The following AVEN variants were observed in gnomAD, a reference collection of about 807,000 sequenced individuals.
AVEN encodes apoptosis and caspase activation inhibitor.
A neutral mutation model predicts 38.1 loss-of-function variants in AVEN; 41 were observed. That is an observed-to-expected ratio of 1.08 (90% CI 0.84 to 1.40). The LOEUF is 1.40. AVEN is among the 40% of genes most tolerant of loss of function. The pLI, the probability that AVEN is intolerant of heterozygous loss-of-function variation, is 0.00. For synonymous variants in AVEN, 206 were observed against 171.8 expected (o/e 1.20, Z -1.56); for missense variants, 605 against 438.8 (o/e 1.38, Z -3.38).
rs533788693 is a variant in AVEN, at chr15:33,899,460, C to CTTTTTT, written c.446-23471_446-23466dup. ...TACATTTATTTGCTTCAGGGAAAAC[C>CTTTTTT]TTTTTTTTTTTTTTTTTTTTTTTTT... is the stretch of plus-strand genomic sequence containing the variant. On this transcript the variant is annotated intron_variant, in intron 2 of 5. Transcript: ENST00000306730. Among the ~76,000 whole-genome samples the CTTTTTT allele has an allele frequency of 1.3e-3, 87 of 65,438 alleles. 9 individuals are homozygous for CTTTTTT. Among genetic ancestry groups the CTTTTTT allele is most frequent in the African/African-American group, 3.4e-3 (61 of 17,702 alleles). The allele number at this position is 65,438 out of a possible 152,430, so 42.9% of individuals were successfully genotyped here.
intron 4 of AVEN, among the ~76,000 whole-genome samples, chr15:33,869,656 G>C (rs1018270210): frequency 6.6e-6 from 1 of 152,040 alleles, no homozygotes; most frequent in East Asian, 1.9e-4. Context: ...CTCCATCCCT[G>C]AACTCTGCCT....
At chr15:34,047,995 T>A (rs764567753) in intron 5 of AVEN, among the ~76,000 whole-genome samples, 3 of 151,826 alleles carry the variant, frequency 2.0e-5, no homozygotes, top group Non-Finnish European at 2.9e-5. Flanking sequence ...TAGCTGGGAC[T>A]ACAGGCACAC....
intron 2 of AVEN, among the ~76,000 whole-genome samples, chr15:33,906,209 G>A (rs1892693922): frequency 1.3e-5 from 2 of 152,148 alleles, no homozygotes. Context: ...GGGAGGGAGG[G>A]GTAGGGAAGG....
At chr15:34,054,252 T>C (rs1186144333) in intron 5 of AVEN, among the ~76,000 whole-genome samples, 2 of 152,202 alleles carry the variant, frequency 1.3e-5, no homozygotes, top group Admixed American at 6.5e-5. Flanking sequence ...AGTTCAACCA[T>C]TGTGGAATAC....
intron 5 of AVEN, among the ~76,000 whole-genome samples, chr15:34,047,459 G>T (rs1899750126): frequency 2.0e-5 from 3 of 152,212 alleles, no homozygotes; most frequent in Admixed American, 2.0e-4. Context: ...TAGGAAGAGG[G>T]CTGAAACCAG....
chr15:33,987,103 T>C (rs519210), intron 2 of AVEN, among the ~76,000 whole-genome samples: 142,327 of 152,262 alleles, frequency 0.93, 67,123 homozygotes, highest in Non-Finnish European at 1. Context: ...CATAATTCAT[T>C]AGCATTAATT....
At chr15:33,899,460 CTTTTTTTTTTTTTTTTT>C (rs533788693) in intron 2 of AVEN, among the ~76,000 whole-genome samples, 3 of 65,430 alleles carry the variant, frequency 4.6e-5, no homozygotes. Flanking sequence ...CAGGGAAAAC[CTTTTTTTTTTTTTTTTT>C]TTTTTTTTTT....
chr15:34,056,571 A>G (rs1276238914), intron 5 of AVEN, among the ~76,000 whole-genome samples: 1 of 152,238 alleles, frequency 6.6e-6, no homozygotes, highest in East Asian at 1.9e-4. Flanking sequence ...TTCTCAATTT[A>G]TCAGATCATG....
At chr15:33,911,368 ATC>A (rs1156827868) in intron 2 of AVEN, among the ~76,000 whole-genome samples, 5 of 152,218 alleles carry the variant, frequency 3.3e-5, no homozygotes, top group African/African-American at 4.8e-5. Context: ...AGCTATTCTC[ATC>A]TGTGTTTAGC....
chr15:33,958,613 G>C (rs868651234), intron 2 of AVEN, among the ~76,000 whole-genome samples: 35 of 147,024 alleles, frequency 2.4e-4, no homozygotes, highest in Admixed American at 1.5e-3. Context: ...AAAAGGAAAA[G>C]AAAAGAAAGA....
chr15:33,898,838 G>A (rs1281422591), intron 2 of AVEN, among the ~76,000 whole-genome samples: 1 of 152,186 alleles, frequency 6.6e-6, no homozygotes, highest in African/African-American at 2.4e-5. Flanking sequence ...CTATGGTTCA[G>A]AAGTCCCAGG....
chr15:33,944,809 G>C (rs139389130), intron 2 of AVEN, among the ~76,000 whole-genome samples: 62 of 134,216 alleles, frequency 4.6e-4, no homozygotes, highest in African/African-American at 1.6e-3. Context: ...ACTCAGTCTC[G>C]AAAAAAAAAA....
chr15:33,948,596 A>G (rs939197864), intron 2 of AVEN, among the ~76,000 whole-genome samples: 1 of 152,210 alleles, frequency 6.6e-6, no homozygotes, highest in Non-Finnish European at 1.5e-5. Flanking sequence ...TGTGTCACTC[A>G]CGAACACTAC....
rs34223352 is a variant in AVEN at position 33,873,094 on chromosome 15, CTTTTTTTTTTTT to C, written c.517-2076_517-2065del. Reference sequence around the variant, plus strand: ...AAAACATATTTCTACTTTTCCTTTTCTTTTTTTTTTTTTTTTTTTTTTTTTGAGATGGAGTCT... The same window carrying C: ...AAAACATATTTCTACTTTTCCTTTTCTTTTTTTTTTTTTGAGATGGAGTCT... On this transcript the variant is annotated intron_variant, in intron 3 of 5. Transcript: ENST00000306730. Among the ~76,000 whole-genome samples, 8 of 85,108 alleles carry C rather than the reference CTTTTTTTTTTTT, an allele frequency of 9.4e-5. No homozygotes were observed. The South Asian group carries it at 1.7e-3, about 18-fold the overall frequency. 55.8% of individuals were successfully genotyped at this position (85,108 alleles called of 152,430 possible). A position where few individuals can be genotyped will look rare whatever the true frequency, so the allele number is the denominator to read the frequency against.
At chr15:34,038,640 C>T in intron 1 of AVEN, 140 bp downstream of exon 1, 1 of 751,436 alleles carries the variant, frequency 1.3e-6, no homozygotes, top group South Asian at 6.2e-5. Flanking sequence ...CGCCACCATC[C>T]GCCCGTCCCG....
chr15:33,922,546 C>T (rs2632094), intron 2 of AVEN, among the ~76,000 whole-genome samples: 106,701 of 151,876 alleles, frequency 0.7, 37,675 homozygotes, highest in East Asian at 0.81. Flanking sequence ...GAGATGCTCC[C>T]GCCTCAGCCT....
intron 1 of AVEN, chr15:34,018,467 T>G (rs1213656145): frequency 6.6e-6 from 1 of 152,156 alleles, no homozygotes; most frequent in Non-Finnish European, 1.5e-5. Context: ...ACCTTCGCAG[T>G]GAGTGTTACA....
At chr15:34,070,644 T>C (rs1301074166) in exon 2 of AVEN, among the ~76,000 whole-genome samples, 1 of 152,104 alleles carries the variant, frequency 6.6e-6, no homozygotes, top group African/African-American at 2.4e-5. Flanking sequence ...GAGCTAAGGA[T>C]GTGGGTCCTA....
chr15:34,044,459 C>A lies in AVEN; in HGVS notation n.1637+18463G>T, dbSNP rs374167171. Among the ~76,000 whole-genome samples the A allele has an allele frequency of 3.3e-5, 5 of 152,334 alleles. No homozygotes were observed. The East Asian group carries it at 5.8e-4, about 18-fold the overall frequency. On this transcript the variant is annotated intron_variant and non_coding_transcript_variant, in intron 5 of 11. Coordinates refer to the AVEN transcript ENST00000675287. ...TTAGGAATTTAAAGATATATATAAT[C>A]CTTGCCCTAGGTTTGTGGGGAAGAC...
Sources: gnomAD v4.1 joint callset for allele counts (sites outside exome capture counted in the v4.1 genomes callset) on GRCh38, gnomAD v4.1.1 for gene constraint, MANE v1.5 for transcripts, NCBI Gene and HGNC (gene_info 2026-07-23, HGNC 2026-07-21) for gene names.